GNG7: variants seen among roughly 807,000 people sequenced by gnomAD.
The protein encoded by GNG7 is guanine nucleotide-binding protein G(I)/G(S)/G(O) subunit gamma-7.
In GNG7, 1 loss-of-function variant was observed where a neutral mutation model predicts 4.0. The observed-to-expected ratio is 0.25, with a 90% CI of 0.09 to 1.18. The LOEUF is 1.18. Ranked by LOEUF, GNG7 falls within the 50% of genes most tolerant of loss-of-function variation. GNG7 has a pLI of 0.50. For missense variants in GNG7, 86 were observed against 91.9 expected, an observed-to-expected ratio of 0.94 and a Z score of 0.26; for synonymous variants, 34 against 36.9, an observed-to-expected ratio of 0.92 and a Z score of 0.29.
Position 2,557,161 on chromosome 19 carries a change from C to T in GNG7, c.-77-1973G>A, listed in dbSNP as rs1979578656. ...ACACTCACGCACATGCACACAAAGA[C>T]ACGCGCACACACGTACACACAAGAC... On this transcript the variant is annotated intron_variant, in intron 2 of 4. Coordinates refer to ENST00000382159, the MANE Select transcript of GNG7 (RefSeq NM_052847.3). This position sits in a 1 kb window ranked among gnomAD's most constrained non-coding sequence, Gnocchi z 5.1. 6.6e-6 allele frequency among the ~76,000 whole-genome samples: 1 copy of T among 151,184 alleles called. No homozygotes were observed. The highest frequency in any genetic ancestry group is 1.5e-5 in the Non-Finnish European group (1 of 67,900).
intron 2 of GNG7, among the ~76,000 whole-genome samples, chr19:2,576,275 G>A (rs577964083): frequency 4.6e-5 from 7 of 152,356 alleles, no homozygotes; most frequent in South Asian, 2.1e-4. Context: ...CCAGGGGACT[G>A]CAGCAAAAAC....
At chr19:2,573,316 C>T (rs1226680012) in intron 2 of GNG7, among the ~76,000 whole-genome samples, 1 of 152,036 alleles carries the variant, frequency 6.6e-6, no homozygotes, top group African/African-American at 2.4e-5. Flanking sequence ...AGCCCCCACG[C>T]CTGGCCTGGC....
At chr19:2,647,784 T>C (rs1982704181) in intron 1 of GNG7, among the ~76,000 whole-genome samples, 1 of 151,904 alleles carries the variant, frequency 6.6e-6, no homozygotes. Flanking sequence ...TCCCATCACT[T>C]TGGGGGGCCG....
At chr19:2,532,840 C>T (rs900525045) in intron 3 of GNG7, among the ~76,000 whole-genome samples, 2 of 152,156 alleles carry the variant, frequency 1.3e-5, no homozygotes, top group Admixed American at 1.3e-4. Flanking sequence ...TCATCCATTA[C>T]TGACAGGAAT....
At chr19:2,676,401 T>A (rs998066271) in intron 1 of GNG7, among the ~76,000 whole-genome samples, 1 of 152,008 alleles carries the variant, frequency 6.6e-6, no homozygotes, top group South Asian at 2.1e-4. Context: ...CAGATAGACA[T>A]TGATTTCCAT....
intron 1 of GNG7, among the ~76,000 whole-genome samples, chr19:2,696,308 A>AAG (rs1267183175): frequency 7.1e-6 from 1 of 140,478 alleles, no homozygotes; most frequent in African/African-American, 3.0e-5. Flanking sequence ...GAAAGAAAGA[A>AAG]AGAAAGAAAG....
chr19:2,700,670 C>T (rs1222720589), intron 1 of GNG7: 2 of 152,154 alleles, frequency 1.3e-5, no homozygotes, highest in Non-Finnish European at 2.9e-5. Flanking sequence ...GCATACATCC[C>T]GTAATTCGAC....
intron 2 of GNG7, among the ~76,000 whole-genome samples, chr19:2,602,102 C>T (rs1249979410): frequency 1.3e-5 from 2 of 151,926 alleles, no homozygotes; most frequent in East Asian, 1.9e-4. Context: ...TCTGGGAGGC[C>T]GAGATGGGCA....
chr19:2,558,977 T>C (rs1979652332), intron 2 of GNG7, among the ~76,000 whole-genome samples: 1 of 151,688 alleles, frequency 6.6e-6, no homozygotes, highest in Non-Finnish European at 1.5e-5. Flanking sequence ...TTTTGTATTT[T>C]CAGTAGAGAC....
At position 2,574,628 on chromosome 19, in the gene GNG7, G is replaced by A. The variant is rs1980251708; in HGVS notation, c.-77-19440C>T. On this transcript the variant is annotated intron_variant, in intron 2 of 4. Transcript: ENST00000382159. The stretch of plus-strand genomic sequence containing the variant: ...GACCATGCTGTGTTTATCCACTGAT[G>A]GGCGCCTGGGGTGGCTTCCACCCTG... Among the ~76,000 whole-genome samples the A allele has an allele frequency of 2.0e-5, 3 of 152,194 alleles. No homozygotes were observed. The South Asian group carries it at 6.2e-4, about 31-fold the overall frequency.
chr19:2,675,679 T>A (rs961697689), intron 1 of GNG7, among the ~76,000 whole-genome samples: 32 of 151,996 alleles, frequency 2.1e-4, no homozygotes, highest in Non-Finnish European at 3.8e-4. Flanking sequence ...TTCCCGACAC[T>A]TGGGGGTCTC....
chr19:2,515,382 G>A (rs1164708844), intron 4 of GNG7, among the ~76,000 whole-genome samples: 1 of 152,130 alleles, frequency 6.6e-6, no homozygotes, highest in Admixed American at 6.6e-5. Context: ...CTCATGCTCA[G>A]TGAGAGATGC....
chr19:2,583,973 T>A (rs1980572331), intron 2 of GNG7, among the ~76,000 whole-genome samples: 2 of 152,178 alleles, frequency 1.3e-5, no homozygotes, highest in South Asian at 4.1e-4. Context: ...CATGTGTGGG[T>A]GTGGTGCATA....
chr19:2,599,213 C>G (rs952801816), intron 2 of GNG7, among the ~76,000 whole-genome samples: 13 of 152,094 alleles, frequency 8.5e-5, no homozygotes, highest in Admixed American at 8.5e-4. Flanking sequence ...TTTGCTGTCC[C>G]GGGCTGACCT....
chr19:2,685,713 A>T (rs1313810176), intron 1 of GNG7, among the ~76,000 whole-genome samples: 1 of 152,164 alleles, frequency 6.6e-6, no homozygotes, highest in Non-Finnish European at 1.5e-5. Context: ...GGAAGTCACG[A>T]GGCCCCGTCC....
intron 1 of GNG7, among the ~76,000 whole-genome samples, chr19:2,668,485 G>A (rs184915096): frequency 3.3e-5 from 5 of 152,290 alleles, no homozygotes; most frequent in East Asian, 1.9e-4. Flanking sequence ...TCCCTGGCTC[G>A]GTGACGGCCA....
chr19:2,615,184 C>T (rs1249342178), intron 2 of GNG7, among the ~76,000 whole-genome samples: 14 of 150,244 alleles, frequency 9.3e-5, no homozygotes, highest in South Asian at 2.1e-4. Flanking sequence ...TTTTTTGAGA[C>T]GGAGTCTCGC....
At chr19:2,591,393 C>A (rs1358504950) in intron 2 of GNG7, among the ~76,000 whole-genome samples, 2 of 151,410 alleles carry the variant, frequency 1.3e-5, no homozygotes, top group South Asian at 4.2e-4. Context: ...TTTCTTTAAA[C>A]CTTTTGGTAT....
At chr19:2,679,466 T>C (rs1983676460) in intron 1 of GNG7, among the ~76,000 whole-genome samples, 1 of 152,096 alleles carries the variant, frequency 6.6e-6, no homozygotes, top group Non-Finnish European at 1.5e-5. Context: ...ATCCCAATCT[T>C]TTCAATGACC....
Sources: gnomAD v4.1 joint callset for allele counts (sites outside exome capture counted in the v4.1 genomes callset) on GRCh38, gnomAD v4.1.1 for gene constraint, Gnocchi (gnomAD v3.1) non-coding constraint, MANE v1.5 for transcripts, NCBI Gene and HGNC (gene_info 2026-07-23, HGNC 2026-07-21) for gene names.